Variants in PHACTR1 observed in about 807,000 individuals in gnomAD.
The protein encoded by PHACTR1 is RPEL repeat containing 1.
A neutral mutation model predicts 69.2 loss-of-function variants in PHACTR1; 16 were observed. The ratio of observed to expected loss-of-function variants is 0.23; its 90% CI spans 0.16 to 0.35. PHACTR1 has a LOEUF of 0.35. Among genes scored for constraint, PHACTR1 ranks in the 10% least tolerant of loss-of-function variants. PHACTR1 has a pLI of 1.00. For synonymous variants in PHACTR1, 312 were observed against 284.5 expected, an observed-to-expected ratio of 1.10 and a Z score of -0.97; for missense variants, 510 against 734.7, an observed-to-expected ratio of 0.69 and a Z score of 3.54.
chr6:12,776,025 G>A (rs530730066), intron 4 of PHACTR1, among the ~76,000 whole-genome samples: 2 of 152,312 alleles, frequency 1.3e-5, no homozygotes, highest in African/African-American at 4.8e-5. Flanking sequence ...AGTCTTAAGA[G>A]TCCACTCAGT....
chr6:12,880,638 A>G (rs1348320499), intron 4 of PHACTR1, among the ~76,000 whole-genome samples: 2 of 152,182 alleles, frequency 1.3e-5, no homozygotes, highest in East Asian at 1.9e-4. Flanking sequence ...AAGGAAATTT[A>G]TGCATAAATA....
chr6:13,286,639 T>TGAC (rs1403450109), intron 14 of PHACTR1, among the ~76,000 whole-genome samples: 1 of 152,240 alleles, frequency 6.6e-6, no homozygotes, highest in African/African-American at 2.4e-5. Context: ...ACATTCTCCC[T>TGAC]GACAGTCCAG....
chr6:12,808,693 A>G (rs1332981549), intron 4 of PHACTR1, among the ~76,000 whole-genome samples: 1 of 152,218 alleles, frequency 6.6e-6, no homozygotes, highest in East Asian at 1.9e-4. Flanking sequence ...GAGAATACCT[A>G]TCAGTGTTGT....
At chr6:13,260,219 C>T (rs73725648) in intron 10 of PHACTR1, among the ~76,000 whole-genome samples, 9,339 of 152,212 alleles carry the variant, frequency 0.061, 530 homozygotes, top group African/African-American at 0.15. Context: ...ACGCAGGTAT[C>T]ACCAATGTAA....
At chr6:12,719,150 T>C (rs1175659533) in intron 3 of PHACTR1, among the ~76,000 whole-genome samples, 7 of 152,196 alleles carry the variant, frequency 4.6e-5, no homozygotes, top group Non-Finnish European at 7.3e-5. Flanking sequence ...GAATCAAGAA[T>C]GCTCTTCCCC....
intron 10 of PHACTR1, chr6:13,253,099 G>A (rs142411334): frequency 3.3e-4 from 149 of 451,494 alleles, no homozygotes; most frequent in African/African-American, 2.7e-3. Flanking sequence ...CCTGCCACCC[G>A]TCTCCTGGCT....
chr6:13,076,223 A>G (rs938670298), intron 5 of PHACTR1, among the ~76,000 whole-genome samples: 4 of 152,172 alleles, frequency 2.6e-5, no homozygotes, highest in African/African-American at 9.7e-5. Flanking sequence ...AAGAAATAGA[A>G]CTGGCAGCCA....
chr6:12,877,365 G>T (rs9472786), intron 4 of PHACTR1, among the ~76,000 whole-genome samples: 39,332 of 152,032 alleles, frequency 0.26, 5,568 homozygotes, highest in Middle Eastern at 0.36. Flanking sequence ...CAAAGGCTTT[G>T]ATGGCCATCC....
intron 5 of PHACTR1, among the ~76,000 whole-genome samples, chr6:13,064,590 ATATATATATATATATCTATATATCTATC>A (rs1355823182): frequency 0.022 from 178 of 7,966 alleles, 15 homozygotes; most frequent in South Asian, 0.081. Context: ...ATATATATAT[ATATATATATATATATCTATATATCTATC>A]TATCCACACT....
At chr6:13,160,088 C>G in intron 5 of PHACTR1, 116 bp from the exon 6 acceptor site, 1 of 875,672 alleles carries the variant, frequency 1.1e-6, no homozygotes, top group Admixed American at 1.9e-5. Context: ...TAGCAAAGCA[C>G]GATTTACAGA....
At chr6:12,755,808 G>A (rs184163888) in intron 4 of PHACTR1, among the ~76,000 whole-genome samples, 15 of 152,290 alleles carry the variant, frequency 9.8e-5, no homozygotes, top group Admixed American at 4.6e-4. Flanking sequence ...AAACGGGTAT[G>A]TAAGATCTAT....
At chr6:13,053,264 T>G in intron 4 of PHACTR1, 101 bp from the exon 5 acceptor site, 1 of 1,225,844 alleles carries the variant, frequency 8.2e-7, no homozygotes, top group South Asian at 1.6e-5. Context: ...TCACGTGGTT[T>G]CTGTTATCTG....
chr6:13,118,044 CTA>C (rs1006918621), intron 5 of PHACTR1, among the ~76,000 whole-genome samples: 22 of 152,302 alleles, frequency 1.4e-4, no homozygotes, highest in South Asian at 6.2e-4. Context: ...GTCCTAGAAG[CTA>C]GATGGAATCA....
chr6:13,126,563 C>T (rs1819562134), intron 5 of PHACTR1, among the ~76,000 whole-genome samples: 1 of 152,202 alleles, frequency 6.6e-6, no homozygotes, highest in Admixed American at 6.5e-5. Context: ...GGTATCCAAG[C>T]TAAATATCTA....
At chr6:13,250,751 C>A (rs1774273789) in intron 10 of PHACTR1, among the ~76,000 whole-genome samples, 1 of 152,174 alleles carries the variant, frequency 6.6e-6, no homozygotes, top group African/African-American at 2.4e-5. Flanking sequence ...AGGAGGGTCG[C>A]CAACGAGTAA....
At chr6:12,721,247 G>A (rs142881603) in intron 3 of PHACTR1, among the ~76,000 whole-genome samples, 45 of 152,086 alleles carry the variant, frequency 3.0e-4, no homozygotes, top group African/African-American at 9.4e-4. Flanking sequence ...TTAGCCAGGC[G>A]CAGTGGCATG....
rs192307849 is a variant in PHACTR1 at position 13,210,986 on chromosome 6, T to C, written c.986+4850T>C. Among the ~76,000 whole-genome samples the C allele has an allele frequency of 8.8e-4, 133 of 150,444 alleles. 1 individual carries two copies. Among genetic ancestry groups the C allele is most frequent in the East Asian group, 4.3e-3 (22 of 5,118 alleles). Reference sequence around the variant, plus strand: ...TTCTAATAAATAACACTGCATTTTTTCCCCATTTTTGTACTTAAATCTTTG... The same window carrying C: ...TTCTAATAAATAACACTGCATTTTTCCCCCATTTTTGTACTTAAATCTTTG... On this transcript the variant is annotated intron_variant, in intron 8 of 14. Transcript: ENST00000332995.
chr6:13,064,724 T>C (rs1002030207), intron 5 of PHACTR1, among the ~76,000 whole-genome samples: 1 of 148,818 alleles, frequency 6.7e-6, no homozygotes. Flanking sequence ...AGACGTCTCA[T>C]GAAGCTTCAG....
intron 5 of PHACTR1, among the ~76,000 whole-genome samples, chr6:13,066,604 CA>C (rs1350900499): frequency 2.0e-5 from 3 of 152,278 alleles, no homozygotes; most frequent in Non-Finnish European, 4.4e-5. Context: ...TTAAAAACAG[CA>C]ACCTCTGTAT....
Sources: allele counts gnomAD v4.1 joint callset (sites outside exome capture counted in the v4.1 genomes callset), GRCh38; gene constraint gnomAD v4.1.1; transcripts MANE v1.5; gene names NCBI Gene and HGNC (gene_info 2026-07-23, HGNC 2026-07-21).